The following INPP4A variants were observed in gnomAD, a reference collection of about 807,000 sequenced individuals.
INPP4A encodes the protein inositol polyphosphate-4-phosphatase, type I, 107kD.
Under a neutral mutation model 119.8 loss-of-function variants are expected in INPP4A, and 33 were observed. That is an observed-to-expected ratio of 0.28 (90% CI 0.21 to 0.37). The LOEUF is 0.37. INPP4A is among the 10% of genes least tolerant of loss of function. The pLI, the probability that INPP4A is intolerant of heterozygous loss-of-function variation, is 1.00. For missense variants in INPP4A, 956 were observed against 1,289.9 expected (o/e 0.74, Z 3.97); for synonymous variants, 496 against 500.7 (o/e 0.99, Z 0.12).
At chr2:98,550,528 G>A (rs906254650) in intron 13 of INPP4A, among the ~76,000 whole-genome samples, 4 of 152,160 alleles carry the variant, frequency 2.6e-5, no homozygotes, top group African/African-American at 7.2e-5. Flanking sequence ...GGGTAGGTCC[G>A]GGTCTGGGGT....
At chr2:98,451,597 GA>G (rs1428658350) in intron 1 of INPP4A, among the ~76,000 whole-genome samples, 1 of 152,106 alleles carries the variant, frequency 6.6e-6, no homozygotes, top group Non-Finnish European at 1.5e-5. Context: ...GATGTCTCCT[GA>G]AAACCCCCTG....
chr2:98,504,669 G>T (rs1423518463), intron 1 of INPP4A, among the ~76,000 whole-genome samples: 1 of 152,132 alleles, frequency 6.6e-6, no homozygotes, highest in Non-Finnish European at 1.5e-5. Context: ...ATGGAATTTT[G>T]TTGCTACTCA....
At chr2:98,541,041 C>T (rs1369230053) in intron 10 of INPP4A, among the ~76,000 whole-genome samples, 1 of 152,038 alleles carries the variant, frequency 6.6e-6, no homozygotes, top group Admixed American at 6.6e-5. Flanking sequence ...AAATAAAGGG[C>T]AAGAGGCCAG....
intron 1 of INPP4A, among the ~76,000 whole-genome samples, chr2:98,492,878 A>G (rs1219850187): frequency 1.3e-5 from 2 of 152,188 alleles, no homozygotes; most frequent in East Asian, 3.8e-4. Flanking sequence ...CATTTAATAG[A>G]TAAGGAGCCT....
chr2:98,587,370 C>CT (rs574959940), intron 24 of INPP4A, 106 bp from the exon 25 acceptor site: 202 of 1,181,142 alleles, frequency 1.7e-4, no homozygotes, highest in Middle Eastern at 2.2e-4. Flanking sequence ...TTAAATTAAT[C>CT]TTTTTTTTAA....
In INPP4A at chr2:98,541,189, C is replaced by T. The variant is rs369578545; in HGVS notation, c.818+1514C>T. Among the ~76,000 whole-genome samples, 480 of 152,028 alleles carry T rather than the reference C, an allele frequency of 3.2e-3. 5 individuals are homozygous for T. Among genetic ancestry groups the T allele is most frequent in the African/African-American group, 0.011 (445 of 41,494 alleles). On this transcript the variant is annotated intron_variant, in intron 10 of 24. Transcript: ENST00000409851. The stretch of plus-strand genomic sequence containing the variant: ...AAAAATACAAAAAATTAGCCGGGCG[C>T]GGTGGTGGGCGCCTGTAGTCCCAGC...
chr2:98,559,297 C>T (rs1415465631), intron 16 of INPP4A, among the ~76,000 whole-genome samples, 166 bp from the exon 17 acceptor site: 1 of 152,232 alleles, frequency 6.6e-6, no homozygotes, highest in Admixed American at 6.5e-5. Flanking sequence ...AGAGTACTTT[C>T]GTGAGCCTTC....
chr2:98,542,049 G>A (rs1691564716), intron 10 of INPP4A, among the ~76,000 whole-genome samples: 1 of 152,282 alleles, frequency 6.6e-6, no homozygotes, highest in South Asian at 2.1e-4. Context: ...AACTCCAGAT[G>A]TTTCAGCGTG....
At chr2:98,574,896 G>A (rs150184969) in intron 23 of INPP4A, among the ~76,000 whole-genome samples, 2 of 152,306 alleles carry the variant, frequency 1.3e-5, no homozygotes, top group African/African-American at 2.4e-5. Context: ...ATCAAGTCCT[G>A]TATTTCTTGT....
intron 1 of INPP4A, among the ~76,000 whole-genome samples, chr2:98,471,488 A>G (rs796737748): frequency 1.2e-4 from 19 of 152,240 alleles, no homozygotes; most frequent in African/African-American, 4.3e-4. Flanking sequence ...TTTCTGTTAG[A>G]CCATCTGAGA....
At chr2:98,448,381 A>AG (rs1694628740) in intron 1 of INPP4A, among the ~76,000 whole-genome samples, 1 of 151,504 alleles carries the variant, frequency 6.6e-6, no homozygotes, top group Non-Finnish European at 1.5e-5. Flanking sequence ...AAAATCATGA[A>AG]ATTAATGTTG....
intron 1 of INPP4A, among the ~76,000 whole-genome samples, chr2:98,458,220 T>A (rs535661710): frequency 5.3e-5 from 8 of 152,088 alleles, no homozygotes; most frequent in Non-Finnish European, 1.2e-4. Flanking sequence ...CACACACATC[T>A]GTAGTCCCAG....
intron 1 of INPP4A, among the ~76,000 whole-genome samples, chr2:98,507,837 T>C (rs546075049): frequency 6.6e-6 from 1 of 152,152 alleles, no homozygotes; most frequent in Non-Finnish European, 1.5e-5. Context: ...CCCAGACTCC[T>C]GAGACAAATA....
At chr2:98,490,230 G>C (rs1229641737) in intron 1 of INPP4A, among the ~76,000 whole-genome samples, 1 of 152,066 alleles carries the variant, frequency 6.6e-6, no homozygotes, top group Non-Finnish European at 1.5e-5. Flanking sequence ...CGGGGGCAGA[G>C]CAGGCTGGAC....
chr2:98,512,758 C>T (rs539764563), intron 1 of INPP4A, among the ~76,000 whole-genome samples: 1 of 152,176 alleles, frequency 6.6e-6, no homozygotes, highest in Non-Finnish European at 1.5e-5. Context: ...TTGGAGAACA[C>T]GTTCAAACTG....
intron 24 of INPP4A, among the ~76,000 whole-genome samples, chr2:98,584,834 C>T (rs534589036): frequency 2.0e-4 from 30 of 152,234 alleles, no homozygotes; most frequent in Non-Finnish European, 3.4e-4. Context: ...ATTTTAATGT[C>T]ACTAAGGCCT....
At chr2:98,573,438 C>T (rs1697838294) in intron 23 of INPP4A, among the ~76,000 whole-genome samples, 1 of 152,228 alleles carries the variant, frequency 6.6e-6, no homozygotes, top group African/African-American at 2.4e-5. Flanking sequence ...CATTCATTCA[C>T]CCTTGATGAG....
rs773215168 is a variant in INPP4A, at chr2:98,543,945, C to T, written c.887C>T (p.Thr296Ile). ...CWESLRRQIV[T>I]QYQTIILTYQ... ...GAGAGCCTCCGGCGCCAAATTGTCA[C>T]CCAGTACCAGACCATCATCCTCACA... Residue 296 changes from threonine to isoleucine, a missense_variant, in exon 11 of 25, where the codon ACC (threonine) becomes ATC (isoleucine). Thr to Ile is a moderately conservative substitution (Grantham distance 89). This residue lies in a region of INPP4A where 652 missense variants were observed against 797.9 expected (regional missense o/e 0.82). Transcript: ENST00000409851. The T allele has an allele frequency of 1.9e-6, 3 of 1,602,408 alleles. No individual in the cohort carries two copies. Among genetic ancestry groups the T allele is most frequent in the Non-Finnish European group, 2.6e-6 (3 of 1,174,100 alleles).
chr2:98,471,542 A>T (rs567732696), intron 1 of INPP4A, among the ~76,000 whole-genome samples: 1 of 152,282 alleles, frequency 6.6e-6, no homozygotes, highest in East Asian at 1.9e-4. Flanking sequence ...TTTTGAACAG[A>T]AGTCTGCCAT....
Sources: gnomAD v4.1 joint callset for allele counts (sites outside exome capture counted in the v4.1 genomes callset) on GRCh38, gnomAD v4.1.1 for gene constraint, gnomAD v4.1.1 regional missense constraint, MANE v1.5 for transcripts, NCBI Gene and HGNC (gene_info 2026-07-23, HGNC 2026-07-21) for gene names.